RALYL: variants seen among roughly 807,000 people sequenced by gnomAD.
The protein encoded by RALYL is RNA-binding Raly-like protein.
A neutral mutation model predicts 35.1 loss-of-function variants in RALYL; 29 were observed. That is an observed-to-expected ratio of 0.83 (90% confidence interval 0.61 to 1.13). The LOEUF is 1.13. Ranked by LOEUF, RALYL falls within the 50% of genes most tolerant of loss-of-function variation. The pLI is 0.00. For synonymous variants in RALYL, 120 were observed against 127.6 expected, an observed-to-expected ratio of 0.94 and a Z score of 0.40; for missense variants, 359 against 360.4, an observed-to-expected ratio of 1.00 and a Z score of 0.03.
chr8:84,507,894 C>T (rs986066240), intron 1 of RALYL, among the ~76,000 whole-genome samples: 4 of 152,104 alleles, frequency 2.6e-5, no homozygotes, highest in African/African-American at 9.7e-5. Context: ...AAATACATTG[C>T]TAATCCTTTC....
intron 1 of RALYL, among the ~76,000 whole-genome samples, chr8:84,439,607 G>C (rs1335362053): frequency 6.6e-6 from 1 of 151,868 alleles, no homozygotes; most frequent in Non-Finnish European, 1.5e-5. Flanking sequence ...TTTATTTTCT[G>C]CGTCATGGAG....
intron 2 of RALYL, among the ~76,000 whole-genome samples, chr8:84,694,992 A>G (rs898602538): frequency 6.6e-5 from 10 of 151,858 alleles, no homozygotes; most frequent in Admixed American, 5.9e-4. Flanking sequence ...GGAAACATTT[A>G]TAGATGAGGG....
At position 84,408,525 on chromosome 8, in the gene RALYL, A is replaced by C. The variant is rs1246059606; in HGVS notation, c.-23-120774A>C. 3.9e-5 allele frequency among the ~76,000 whole-genome samples: 6 copies of C among 152,300 alleles called. No individual in the cohort carries two copies. The East Asian group carries it at 1.2e-3, about 29-fold the overall frequency. On this transcript the variant is annotated intron_variant, in intron 1 of 8. Transcript: ENST00000521268. ...GACCCCAAATCCTTGTAATGGCACA[A>C]AACAACAGAAGCTTCTTTCTTATTT... is the stretch of plus-strand genomic sequence containing the variant.
At chr8:84,355,634 T>G (rs1228270924) in intron 1 of RALYL, among the ~76,000 whole-genome samples, 1 of 150,122 alleles carries the variant, frequency 6.7e-6, no homozygotes, top group Non-Finnish European at 1.5e-5. Flanking sequence ...TGGTAGAGGG[T>G]GAAGGAGATT....
intron 8 of RALYL, among the ~76,000 whole-genome samples, chr8:84,915,004 A>C (rs1229255349): frequency 1.3e-5 from 2 of 152,092 alleles, no homozygotes; most frequent in Non-Finnish European, 2.9e-5. Context: ...CAGACAGGCA[A>C]ATCATTCATT....
chr8:84,650,709 A>G (rs1828576632), intron 2 of RALYL, among the ~76,000 whole-genome samples: 1 of 151,882 alleles, frequency 6.6e-6, no homozygotes, highest in Non-Finnish European at 1.5e-5. Flanking sequence ...TGACCCAGCC[A>G]TCCCATTACT....
At chr8:84,517,615 G>T (rs972349233) in intron 1 of RALYL, among the ~76,000 whole-genome samples, 5 of 152,146 alleles carry the variant, frequency 3.3e-5, no homozygotes, top group African/African-American at 1.2e-4. Context: ...TCCAAATTCA[G>T]CTTCAGAGAA....
chr8:84,712,459 C>T (rs1400583443), intron 2 of RALYL, among the ~76,000 whole-genome samples: 1 of 152,104 alleles, frequency 6.6e-6, no homozygotes, highest in Non-Finnish European at 1.5e-5. Flanking sequence ...CTCTTTCTCT[C>T]TCTGTGTCTC....
At chr8:84,696,529 T>C (rs2132243413) in intron 2 of RALYL, among the ~76,000 whole-genome samples, 1 of 152,142 alleles carries the variant, frequency 6.6e-6, no homozygotes, top group Non-Finnish European at 1.5e-5. Context: ...TCATATTTTG[T>C]GAATCCTCTA....
intron 2 of RALYL, among the ~76,000 whole-genome samples, chr8:84,712,022 C>A (rs1842269687): frequency 1.3e-5 from 2 of 151,962 alleles, no homozygotes; most frequent in Non-Finnish European, 2.9e-5. Context: ...CCAGAAAAAA[C>A]AAACTATTTT....
At chr8:84,189,595 A>C (rs1813360120) in intron 1 of RALYL, among the ~76,000 whole-genome samples, 1 of 152,022 alleles carries the variant, frequency 6.6e-6, no homozygotes, top group Non-Finnish European at 1.5e-5. Context: ...ATGTTGGAGG[A>C]AACTGAGACT....
At chr8:84,735,549 T>G (rs865805948) in intron 2 of RALYL, among the ~76,000 whole-genome samples, 1 of 151,938 alleles carries the variant, frequency 6.6e-6, no homozygotes, top group Non-Finnish European at 1.5e-5. Flanking sequence ...ATGTATTGAG[T>G]CTCAATTACT....
At chr8:84,405,225 G>A (rs2043347729) in intron 1 of RALYL, among the ~76,000 whole-genome samples, 1 of 152,044 alleles carries the variant, frequency 6.6e-6, no homozygotes, top group Non-Finnish European at 1.5e-5. Context: ...GTGTTTAGAG[G>A]GAAATTTATA....
intron 1 of RALYL, among the ~76,000 whole-genome samples, chr8:84,194,786 G>A (rs1814807386): frequency 6.6e-6 from 1 of 152,088 alleles, no homozygotes; most frequent in Admixed American, 6.6e-5. Flanking sequence ...TGCAACACTA[G>A]GAGAGTATAT....
chr8:84,734,364 A>G (rs183504338), intron 2 of RALYL, among the ~76,000 whole-genome samples: 293 of 152,316 alleles, frequency 1.9e-3, no homozygotes, highest in African/African-American at 6.9e-3. Flanking sequence ...TTTATTAGCC[A>G]TAAGAGAATA....
At chr8:84,794,996 G>C (rs1053451618) in intron 3 of RALYL, among the ~76,000 whole-genome samples, 20 of 152,322 alleles carry the variant, frequency 1.3e-4, no homozygotes, top group Admixed American at 6.5e-4. Context: ...TGTCCCTGGA[G>C]TTAGCAGCCC....
chr8:84,303,818 C>A (rs929264846), intron 1 of RALYL, among the ~76,000 whole-genome samples: 4 of 152,042 alleles, frequency 2.6e-5, no homozygotes, highest in African/African-American at 9.7e-5. Context: ...TTTCCATTTC[C>A]ATCTGAATTG....
chr8:84,632,273 A>G (rs1186367264), intron 2 of RALYL, among the ~76,000 whole-genome samples: 1 of 152,020 alleles, frequency 6.6e-6, no homozygotes, highest in African/African-American at 2.4e-5. Flanking sequence ...TTTATTGTTT[A>G]TAAGCTACCC....
intron 2 of RALYL, among the ~76,000 whole-genome samples, chr8:84,735,717 T>C (rs890554935): frequency 1.3e-5 from 2 of 151,996 alleles, no homozygotes; most frequent in African/African-American, 4.8e-5. Flanking sequence ...TTATTGAGCA[T>C]GTGGTTGAAC....
Sources: allele counts gnomAD v4.1 joint callset (sites outside exome capture counted in the v4.1 genomes callset), GRCh38; gene constraint gnomAD v4.1.1; transcripts MANE v1.5; gene names NCBI Gene and HGNC (gene_info 2026-07-23, HGNC 2026-07-21).